The following DAD1 variants were observed in gnomAD, a reference collection of about 807,000 sequenced individuals.
DAD1 encodes defender against cell death 1, also known as dolichyl-diphosphooligosaccharide--protein glycosyltransferase subunit DAD1.
DAD1 carries 4 observed loss-of-function variants against 9.0 expected under a neutral mutation model. The observed-to-expected ratio is 0.44, with a 90% CI of 0.22 to 1.01. DAD1 has a LOEUF of 1.01. DAD1 is among the 50% of genes least tolerant of loss of function. The pLI is 0.24. For missense variants in DAD1, 119 were observed against 137.3 expected, an observed-to-expected ratio of 0.87 and a Z score of 0.67; for synonymous variants, 60 against 62.5, an observed-to-expected ratio of 0.96 and a Z score of 0.19.
chr14:22,576,565 G>A (rs1012120090), intron 1 of DAD1, among the ~76,000 whole-genome samples: 1 of 152,152 alleles, frequency 6.6e-6, no homozygotes, highest in Admixed American at 6.5e-5. Context: ...ATTTAGCAAT[G>A]ATTTATTGGA....
chr14:22,575,000 C>A, intron 2 of DAD1, 59 bp downstream of exon 2: 1 of 1,443,158 alleles, frequency 6.9e-7, no homozygotes, highest in Non-Finnish European at 9.4e-7. Context: ...AAACCAGTCC[C>A]ATCCAATTTC....
intron 2 of DAD1, among the ~76,000 whole-genome samples, chr14:22,571,313 CAAAAAA>C (rs71115558): frequency 1.7e-5 from 2 of 115,382 alleles, no homozygotes; most frequent in East Asian, 2.5e-4. Flanking sequence ...GACTCTGTCT[CAAAAAA>C]AAAAAAAAAA....
chr14:22,571,805 T>C (rs1441001158), intron 2 of DAD1, among the ~76,000 whole-genome samples: 1 of 151,914 alleles, frequency 6.6e-6, no homozygotes, highest in Non-Finnish European at 1.5e-5. Flanking sequence ...AATTTTTGTC[T>C]TTTTAGTAGA....
intron 1 of DAD1, among the ~76,000 whole-genome samples, chr14:22,578,534 T>C (rs2037094044): frequency 6.6e-6 from 1 of 152,224 alleles, no homozygotes; most frequent in African/African-American, 2.4e-5. Flanking sequence ...GCCACTGCAC[T>C]CCAGCCTGGG....
At chr14:22,568,749 T>C (rs1167711931) in intron 2 of DAD1, among the ~76,000 whole-genome samples, 1 of 149,614 alleles carries the variant, frequency 6.7e-6, no homozygotes, top group Non-Finnish European at 1.5e-5. Context: ...CAGGCTGGAG[T>C]GCAAGTGGCA....
chr14:22,571,025 TA>T (rs34659715), intron 2 of DAD1, among the ~76,000 whole-genome samples: 52 of 149,224 alleles, frequency 3.5e-4, no homozygotes, highest in South Asian at 2.1e-3. Flanking sequence ...TTTTTTTTTT[TA>T]AAAAAGAGTT....
chr14:22,589,117 TC>T lies in DAD1; in HGVS notation c.40del (p.Glu14LysfsTer4). ...SVVSVISRFL[E>X]EYLSSTPQRL... ...CTGCGGAGTGGAGCTCAAGTACTCT[TC>T]TAAGAACCGCGAAATGACAGACACT... On this transcript the variant is annotated frameshift_variant, in exon 1 of 3. Transcript: ENST00000250498. LOFTEE classifies it high-confidence loss of function. 1 of 1,614,114 alleles carries T rather than the reference TC, an allele frequency of 6.2e-7. No homozygotes were observed. The highest frequency in any genetic ancestry group is 8.5e-7 in the Non-Finnish European group (1 of 1,180,018).
At chr14:22,588,763 G>A (rs1306827732) in intron 1 of DAD1, among the ~76,000 whole-genome samples, 184 bp downstream of exon 1, 1 of 152,194 alleles carries the variant, frequency 6.6e-6, no homozygotes, top group Admixed American at 6.5e-5. Context: ...CTCCTACGGA[G>A]CCGTTTGGTA....
At chr14:22,578,664 T>C (rs2037095003) in intron 1 of DAD1, among the ~76,000 whole-genome samples, 1 of 152,264 alleles carries the variant, frequency 6.6e-6, no homozygotes, top group African/African-American at 2.4e-5. Context: ...TTTTTATCTT[T>C]CACAGGGAGA....
At chr14:22,582,294 CACA>C (rs1436866447) in intron 1 of DAD1, among the ~76,000 whole-genome samples, 1 of 151,078 alleles carries the variant, frequency 6.6e-6, no homozygotes, top group East Asian at 2.0e-4. Flanking sequence ...GCGGGCGGAT[CACA>C]AGGTCAGGAG....
intron 1 of DAD1, among the ~76,000 whole-genome samples, chr14:22,583,135 A>G (rs2037129193): frequency 6.6e-6 from 1 of 152,208 alleles, no homozygotes; most frequent in Non-Finnish European, 1.5e-5. Context: ...CATCAAGTGA[A>G]GACATCAAGT....
At chr14:22,579,090 A>C (rs2037097994) in intron 1 of DAD1, among the ~76,000 whole-genome samples, 1 of 152,176 alleles carries the variant, frequency 6.6e-6, no homozygotes. Context: ...TCGATAAACT[A>C]TCTTTGATCT....
chr14:22,589,160 C>A lies in DAD1; in HGVS notation c.-3G>T. On this transcript the variant is annotated 5_prime_UTR_variant, in exon 1 of 3. Transcript: ENST00000250498. ...ACAGACACTACCGACGCCGACATAA[C>A]TGCACGCAAGGTACTCCGGTCCGCG... The A allele has an allele frequency of 6.2e-7, 1 of 1,614,218 alleles. No homozygotes were observed. The highest frequency in any genetic ancestry group is 8.5e-7 in the Non-Finnish European group (1 of 1,180,028).
chr14:22,586,828 G>T (rs1034675110), intron 1 of DAD1, among the ~76,000 whole-genome samples: 2 of 152,204 alleles, frequency 1.3e-5, no homozygotes, highest in African/African-American at 4.8e-5. Flanking sequence ...CAGGATTTAG[G>T]AAAGTCAATG....
chr14:22,570,796 A>G (rs558723521), intron 2 of DAD1, among the ~76,000 whole-genome samples: 2 of 152,312 alleles, frequency 1.3e-5, no homozygotes, highest in African/African-American at 4.8e-5. Flanking sequence ...TTATAAAAAC[A>G]AAACAATGCT....
chr14:22,571,313 CAAAAAAAA>C (rs71115558), intron 2 of DAD1, among the ~76,000 whole-genome samples: 21 of 115,382 alleles, frequency 1.8e-4, no homozygotes, highest in Admixed American at 1.1e-3. Context: ...GACTCTGTCT[CAAAAAAAA>C]AAAAAAAAGA....
intron 1 of DAD1, among the ~76,000 whole-genome samples, chr14:22,582,869 G>C (rs34517299): frequency 0.091 from 13,729 of 151,526 alleles, 1,133 homozygotes; most frequent in African/African-American, 0.22. Context: ...AGCCGGGCAT[G>C]GGGGAGCGTG....
chr14:22,580,064 C>G (rs981229555), intron 1 of DAD1, among the ~76,000 whole-genome samples: 1 of 151,766 alleles, frequency 6.6e-6, no homozygotes, highest in South Asian at 2.1e-4. Flanking sequence ...GCAATCCTCC[C>G]GCCTCTGCTT....
At chr14:22,568,222 G>A (rs1212874131) in intron 2 of DAD1, among the ~76,000 whole-genome samples, 1 of 152,180 alleles carries the variant, frequency 6.6e-6, no homozygotes, top group Non-Finnish European at 1.5e-5. Context: ...CTATTTGTCT[G>A]TCTCCACATC....
Sources: allele counts gnomAD v4.1 joint callset (sites outside exome capture counted in the v4.1 genomes callset), GRCh38; gene constraint gnomAD v4.1.1; transcripts MANE v1.5; gene names NCBI Gene and HGNC (gene_info 2026-07-23, HGNC 2026-07-21).